Variants in ENPP3 observed in about 807,000 individuals in gnomAD.
ENPP3 encodes the protein ectonucleotide pyrophosphatase/phosphodiesterase 3.
ENPP3 carries 104 observed loss-of-function variants against 117.8 expected under a neutral mutation model. The observed-to-expected ratio is 0.88, with a 90% CI of 0.75 to 1.04. ENPP3 has a LOEUF of 1.04. Ranked by LOEUF, ENPP3 falls within the 50% of genes least tolerant of loss-of-function variation. The probability of loss-of-function intolerance (pLI) is 0.00; values close to 1 mark genes in which losing one functional copy is unlikely to be tolerated. For synonymous variants in ENPP3, 380 were observed against 349.9 expected (o/e 1.09, Z -0.96); for missense variants, 1,026 against 1,051.9 (o/e 0.98, Z 0.34).
rs372891484 is a variant in ENPP3, at chr6:131,652,863, A to T, written c.436A>T (p.Thr146Ser). 3.3e-5 allele frequency: 53 copies of T among 1,613,402 alleles called. 1 individual carries two copies. In the East Asian group the frequency reaches 3.6e-4, roughly 11 times the overall value. ...CTCATGGCTGGAAGAAAACTGTGAC[A>T]CAGCCCAGCAGTCTCAGTGCCCAGA... Reference protein sequence around the residue: ...ETSWLEENCDTAQQSQCPEGF... With the variant: ...ETSWLEENCDSAQQSQCPEGF... Residue 146 changes from threonine to serine, a missense_variant, in exon 5 of 25, where the codon ACA (threonine) becomes TCA (serine). Coordinates refer to ENST00000357639, the MANE Select transcript of ENPP3 (RefSeq NM_005021.5).
chr6:131,716,015 G>T (rs141425334), intron 15 of ENPP3, among the ~76,000 whole-genome samples: 1 of 134,504 alleles, frequency 7.4e-6, no homozygotes, highest in Admixed American at 7.2e-5. Flanking sequence ...TGGAGATACC[G>T]CACAGGAAGA....
At chr6:131,681,217 T>C (rs1386127674) in intron 11 of ENPP3, among the ~76,000 whole-genome samples, 2 of 152,230 alleles carry the variant, frequency 1.3e-5, no homozygotes, top group East Asian at 1.9e-4. Context: ...GAGTGGCTTG[T>C]GTTCAAGTCC....
Position 131,722,359 on chromosome 6 carries a change from C to T in ENPP3, c.1700C>T (p.Pro567Leu). ...TTTTCTGTTTGTGGCTTTGCTAATC[C>T]ATTGCCCACAGAGTCTCTTGACTGT... ...SKFSVCGFAN[P>L]LPTESLDCFC... Residue 567 changes from proline to leucine, a missense_variant, in exon 18 of 25, where the codon CCA becomes CTA. Coordinates refer to ENST00000357639, the MANE Select transcript of ENPP3 (RefSeq NM_005021.5). The T allele has an allele frequency of 6.2e-7, 1 of 1,614,064 alleles. No individual in the cohort carries two copies. The highest frequency in any genetic ancestry group is 8.5e-7 in the Non-Finnish European group (1 of 1,179,966).
intron 20 of ENPP3, among the ~76,000 whole-genome samples, chr6:131,727,234 A>G (rs1482075533): frequency 2.0e-5 from 3 of 152,158 alleles, no homozygotes; most frequent in African/African-American, 7.2e-5. Context: ...ACAATTCAGG[A>G]ATATGCAATA....
intron 6 of ENPP3, 81 bp downstream of exon 6, chr6:131,658,501 G>C (rs192172438): frequency 1.5e-4 from 116 of 755,806 alleles, no homozygotes; most frequent in Admixed American, 1.5e-3. Flanking sequence ...CTTTCTTTCT[G>C]ACTTTTAACG....
At chr6:131,717,156 T>C (rs1000934642) in intron 15 of ENPP3, among the ~76,000 whole-genome samples, 21 of 152,116 alleles carry the variant, frequency 1.4e-4, no homozygotes, top group African/African-American at 4.8e-4. Context: ...TTCCCTCTAC[T>C]GGGTAGAGTT....
At chr6:131,677,043 C>G (rs1778884403) in intron 10 of ENPP3, among the ~76,000 whole-genome samples, 1 of 151,978 alleles carries the variant, frequency 6.6e-6, no homozygotes, top group African/African-American at 2.4e-5. Flanking sequence ...CCGGACCAAC[C>G]TGGACAACAC....
At position 131,650,233 on chromosome 6, in the gene ENPP3, T is replaced by C. The variant is rs1034013567; in HGVS notation, c.277+84T>C. ...CAAATTTTTTTCTTTTCTTTCCTTT[T>C]TTTTGAGACAGAGTGTCACTCTGTT... On this transcript the variant is annotated intron_variant, in intron 3 of 24. Coordinates refer to ENST00000357639, the MANE Select transcript of ENPP3 (RefSeq NM_005021.5). 1.6e-5 allele frequency: 24 copies of C among 1,474,438 alleles called. No individual in the cohort carries two copies. In the African/African-American group the frequency reaches 3.3e-4, roughly 20 times the overall value. The allele number at this position is 1,474,438 out of a possible 1,614,324, so 91.3% of individuals were successfully genotyped here.
chr6:131,643,707 C>T (rs940087099), intron 2 of ENPP3, among the ~76,000 whole-genome samples: 25 of 152,008 alleles, frequency 1.6e-4, no homozygotes, highest in Admixed American at 1.2e-3. Context: ...ACAGATTTAC[C>T]GTCATGACTA....
intron 17 of ENPP3, among the ~76,000 whole-genome samples, chr6:131,721,158 C>A (rs1271595522): frequency 6.6e-6 from 1 of 152,152 alleles, no homozygotes; most frequent in Non-Finnish European, 1.5e-5. Context: ...CCTAACCTAC[C>A]TTCCTACCTA....
intron 11 of ENPP3, among the ~76,000 whole-genome samples, chr6:131,678,580 A>T (rs9321308): frequency 0.23 from 35,078 of 152,188 alleles, 5,816 homozygotes; most frequent in African/African-American, 0.45. Context: ...CAGTGGAAAG[A>T]TGCAAAGGCT....
At chr6:131,660,551 A>G (rs1778477166) in intron 6 of ENPP3, among the ~76,000 whole-genome samples, 3 of 152,220 alleles carry the variant, frequency 2.0e-5, no homozygotes, top group Admixed American at 1.3e-4. Flanking sequence ...CCTTCCTGAA[A>G]AGTTAGATGG....
intron 12 of ENPP3, among the ~76,000 whole-genome samples, chr6:131,684,154 C>A (rs1156469206): frequency 2.0e-5 from 3 of 152,032 alleles, no homozygotes; most frequent in African/African-American, 7.3e-5. Flanking sequence ...TTGAGGAGGA[C>A]GTTTAAAGTC....
At chr6:131,671,935 A>G (rs1259901874) in intron 7 of ENPP3, among the ~76,000 whole-genome samples, 1 of 152,202 alleles carries the variant, frequency 6.6e-6, no homozygotes, top group Non-Finnish European at 1.5e-5. Flanking sequence ...GGCTGCCTCA[A>G]AGGATATTTG....
Position 131,722,095 on chromosome 6 carries a change from G to A in ENPP3, c.1568-132G>A, listed in dbSNP as rs944615876. On this transcript the variant is annotated intron_variant, in intron 17 of 24. Transcript: ENST00000357639. ...GTCAGTAAACTGAATGGCATATAGA[G>A]TACATAGCTTCGTTACAGCAGAATT... The A allele has an allele frequency of 4.7e-6, 3 of 642,850 alleles. No homozygotes were observed. In the African/African-American group the frequency reaches 5.5e-5, roughly 12 times the overall value. The allele number at this position is 642,850 out of a possible 1,614,324, so 39.8% of individuals were successfully genotyped here.
intron 20 of ENPP3, among the ~76,000 whole-genome samples, 172 bp downstream of exon 20, chr6:131,726,372 G>A (rs928185263): frequency 5.3e-5 from 8 of 152,188 alleles, no homozygotes; most frequent in African/African-American, 1.9e-4. Context: ...GGTGCTACAC[G>A]GGTGCAAAAG....
chr6:131,683,953 G>A (rs777777675), intron 12 of ENPP3, among the ~76,000 whole-genome samples: 6 of 151,960 alleles, frequency 3.9e-5, no homozygotes, highest in Admixed American at 2.0e-4. Flanking sequence ...GGGTTTCACC[G>A]TGTTAGCCCG....
At chr6:131,640,198 A>G (rs957073102) in intron 1 of ENPP3, among the ~76,000 whole-genome samples, 8 of 152,210 alleles carry the variant, frequency 5.3e-5, no homozygotes, top group Admixed American at 3.3e-4. Flanking sequence ...AAAATATGTT[A>G]ATTTGTAAGT....
At chr6:131,670,952 G>A (rs1326491599) in intron 6 of ENPP3, among the ~76,000 whole-genome samples, 19 of 152,104 alleles carry the variant, frequency 1.2e-4, no homozygotes, top group Non-Finnish European at 7.4e-5. Context: ...GGCCTCAATG[G>A]CAGAGTGGAG....
Sources: gnomAD v4.1 joint callset for allele counts (sites outside exome capture counted in the v4.1 genomes callset) on GRCh38, gnomAD v4.1.1 for gene constraint, MANE v1.5 for transcripts, NCBI Gene and HGNC (gene_info 2026-07-23, HGNC 2026-07-21) for gene names.